WWC1: variants seen among roughly 807,000 people sequenced by gnomAD.
WWC1 encodes protein KIBRA.
Under a neutral mutation model 138.4 loss-of-function variants are expected in WWC1, and 55 were observed. The ratio of observed to expected loss-of-function variants is 0.40; its 90% confidence interval spans 0.32 to 0.50. WWC1 has a LOEUF of 0.50. WWC1 is among the 20% of genes least tolerant of loss of function. The probability of loss-of-function intolerance (pLI) is 0.72; values close to 1 mark genes in which losing one functional copy is unlikely to be tolerated. For missense variants in WWC1, 1,226 were observed against 1,420.4 expected (o/e 0.86, Z 2.20); for synonymous variants, 524 against 564.9 (o/e 0.93, Z 1.03).
chr5:168,394,156 A>G (rs547891844), intron 3 of WWC1, among the ~76,000 whole-genome samples: 21 of 152,296 alleles, frequency 1.4e-4, no homozygotes, highest in Non-Finnish European at 2.5e-4. Flanking sequence ...CCTGAGAGGT[A>G]AGTAAATAAG....
chr5:168,465,576 T>TTTTGG (rs1554118704), intron 21 of WWC1, among the ~76,000 whole-genome samples: 3 of 136,130 alleles, frequency 2.2e-5, no homozygotes, highest in African/African-American at 8.7e-5. Context: ...TTTTTTTTTT[T>TTTTGG]GGAGATGGGT....
At chr5:168,460,819 T>A in intron 20 of WWC1, 77 bp downstream of exon 20, 1 of 1,412,132 alleles carries the variant, frequency 7.1e-7, no homozygotes, top group Non-Finnish European at 9.9e-7. Flanking sequence ...TGCACACACA[T>A]CTCCTAATGT....
chr5:168,446,630 C>T (rs1027816209), intron 17 of WWC1, among the ~76,000 whole-genome samples: 1 of 152,170 alleles, frequency 6.6e-6, no homozygotes, highest in Non-Finnish European at 1.5e-5. Context: ...TGACGAGCAC[C>T]ACAGAAGCCC....
Position 168,422,088 on chromosome 5 carries a change from A to G in WWC1, c.1265A>G (p.Gln422Arg). 1.9e-6 allele frequency: 3 copies of G among 1,612,826 alleles called. No homozygotes were observed. Among genetic ancestry groups the G allele is most frequent in the Non-Finnish European group, 2.5e-6 (3 of 1,179,284 alleles). The stretch of plus-strand genomic sequence containing the variant: ...CGGCAGGTGGCAACTCTGCACTCCC[A>G]GCTGAAAAGGTGAGTGGTGGGCGGT... The part of the protein sequence containing the change: ...ATRQVATLHS[Q>R]LKSLSSSMQS... Residue 422 changes from glutamine to arginine, a missense_variant, in exon 10 of 23, where the codon CAG (glutamine) becomes CGG (arginine). By Grantham distance (43) the Gln-to-Arg change is conservative (BLOSUM62 1). This residue lies in a region of WWC1 where 1,016 missense variants were observed against 1,153.9 expected (regional missense o/e 0.88). Transcript: ENST00000265293.
intron 20 of WWC1, among the ~76,000 whole-genome samples, chr5:168,462,065 AAAG>A (rs1756866317): frequency 1.5e-5 from 2 of 132,704 alleles, no homozygotes; most frequent in African/African-American, 5.0e-5. Flanking sequence ...CAAAAAAAAA[AAAG>A]AAAGAAAGAA....
chr5:168,451,068 TCTCGG>T (rs1755767341), intron 17 of WWC1, among the ~76,000 whole-genome samples: 1 of 74,418 alleles, frequency 1.3e-5, no homozygotes, highest in Non-Finnish European at 4.2e-5. Context: ...CAGGCTGCGA[TCTCGG>T]CTCACTGCAA....
chr5:168,379,348 G>T (rs974246854), intron 2 of WWC1, among the ~76,000 whole-genome samples: 1 of 152,108 alleles, frequency 6.6e-6, no homozygotes, highest in Non-Finnish European at 1.5e-5. Flanking sequence ...CTGGGCTGTC[G>T]GAGGACCCCC....
intron 1 of WWC1, among the ~76,000 whole-genome samples, chr5:168,311,089 A>G (rs1386386732): frequency 6.6e-6 from 1 of 152,114 alleles, no homozygotes; most frequent in Non-Finnish European, 1.5e-5. Context: ...GGTTGGTGTC[A>G]GTTCCCAAGC....
chr5:168,333,949 C>T (rs554961931), intron 1 of WWC1, among the ~76,000 whole-genome samples: 1 of 147,194 alleles, frequency 6.8e-6, no homozygotes, highest in South Asian at 2.2e-4. Flanking sequence ...CAAGGGGGCT[C>T]ATGCCTATAA....
chr5:168,386,068 G>T (rs1778024346), intron 3 of WWC1, among the ~76,000 whole-genome samples: 1 of 151,878 alleles, frequency 6.6e-6, no homozygotes, highest in African/African-American at 2.4e-5. Flanking sequence ...GTATGTGCCG[G>T]TCCCCTTCCT....
rs879171024 is a variant in WWC1 at position 168,385,530 on chromosome 5, C to G, written c.433+116C>G. 12 of 1,046,860 alleles carry G rather than the reference C, an allele frequency of 1.1e-5. No homozygotes were observed. The South Asian group carries it at 1.9e-4, about 17-fold the overall frequency. 64.8% of individuals were successfully genotyped at this position (1,046,860 alleles called of 1,614,324 possible). ...TTTCTCTTCACCTCTACTCTTTGTC[C>G]AAACCACCATCTTGTTTACTGCTCT... On this transcript the variant is annotated intron_variant, in intron 3 of 22. Transcript: ENST00000265293.
chr5:168,347,724 G>A (rs1219079188), intron 1 of WWC1, among the ~76,000 whole-genome samples: 2 of 152,010 alleles, frequency 1.3e-5, no homozygotes, highest in East Asian at 3.9e-4. Context: ...GAAATTGGAG[G>A]CCTCTTTTCT....
intron 8 of WWC1, chr5:168,414,038 C>A: frequency 3.2e-6 from 1 of 316,920 alleles, no homozygotes; most frequent in Non-Finnish European, 5.8e-6. Flanking sequence ...TTGCCCAAGG[C>A]CACACAGCCA....
chr5:168,424,393 T>A (rs947136476), intron 11 of WWC1, among the ~76,000 whole-genome samples: 2 of 152,166 alleles, frequency 1.3e-5, no homozygotes, highest in Non-Finnish European at 2.9e-5. Context: ...AGGCACTGGG[T>A]TGGTCACTAA....
At chr5:168,357,574 G>C (rs60599842) in intron 1 of WWC1, among the ~76,000 whole-genome samples, 9 of 151,820 alleles carry the variant, frequency 5.9e-5, no homozygotes, top group African/African-American at 2.2e-4. Context: ...ATGAACAAGA[G>C]AAGAGCAAAG....
intron 1 of WWC1, among the ~76,000 whole-genome samples, chr5:168,297,774 A>G (rs376440428): frequency 1.3e-5 from 2 of 152,034 alleles, no homozygotes; most frequent in Non-Finnish European, 2.9e-5. Flanking sequence ...AGTCAGATCT[A>G]TGTCCTTCTC....
intron 1 of WWC1, among the ~76,000 whole-genome samples, chr5:168,343,657 A>G (rs990635807): frequency 6.6e-6 from 1 of 152,152 alleles, no homozygotes; most frequent in African/African-American, 2.4e-5. Context: ...CCCCGTCTCT[A>G]CTAAAAATAC....
In WWC1 at chr5:168,422,069, G is replaced by A. The variant is rs1472243754; in HGVS notation, c.1246G>A (p.Val416Met). ...AGAACTGGAGGAAGCCACCCGGCAG[G>A]TGGCAACTCTGCACTCCCAGCTGAA... The part of the protein sequence containing the change: ...VRELEEATRQ[V>M]ATLHSQLKSL... Residue 416 changes from valine (V) to methionine (M), a missense_variant, in exon 10 of 23, where the codon GTG (valine) becomes ATG (methionine). Physicochemically the swap from Val to Met is conservative, Grantham distance 21. Transcript: ENST00000265293. 6.2e-7 allele frequency: 1 copy of A among 1,612,964 alleles called. No individual in the cohort carries two copies. The highest frequency in any genetic ancestry group is 1.3e-5 in the African/African-American group (1 of 74,914).
chr5:168,320,034 C>CT (rs199986266), intron 1 of WWC1, among the ~76,000 whole-genome samples: 20,375 of 140,566 alleles, frequency 0.14, 1,585 homozygotes, highest in Non-Finnish European at 0.16. Context: ...TATATATACA[C>CT]TTTTTTTTTT....
Sources: gnomAD v4.1 joint callset for allele counts (sites outside exome capture counted in the v4.1 genomes callset) on GRCh38, gnomAD v4.1.1 for gene constraint, gnomAD v4.1.1 regional missense constraint, MANE v1.5 for transcripts, NCBI Gene and HGNC (gene_info 2026-07-23, HGNC 2026-07-21) for gene names.